TLE2: variants seen among roughly 807,000 people sequenced by gnomAD.
The protein encoded by TLE2 is transducin-like enhancer protein 2.
In TLE2, 74 loss-of-function variants were observed where a neutral mutation model predicts 97.2. That is an observed-to-expected ratio of 0.76 (90% CI 0.63 to 0.92). The LOEUF is 0.92. Ranked by LOEUF, TLE2 falls within the 40% of genes least tolerant of loss-of-function variation. TLE2 has a pLI of 0.00. For missense variants in TLE2, 1,038 were observed against 1,008.7 expected, an observed-to-expected ratio of 1.03 and a Z score of -0.39; for synonymous variants, 499 against 432.1, an observed-to-expected ratio of 1.15 and a Z score of -1.92.
intron 11 of TLE2, among the ~76,000 whole-genome samples, chr19:3,012,660 G>A (rs906501195): frequency 2.0e-5 from 3 of 152,302 alleles, no homozygotes; most frequent in African/African-American, 7.2e-5. Context: ...CAGAGAGGGA[G>A]GTGTCACCCA....
In TLE2 at chr19:3,014,581, C is replaced by A. The variant is rs759372852; in HGVS notation, c.712G>T (p.Val238Leu). The A allele has an allele frequency of 6.3e-7, 1 of 1,591,008 alleles. No homozygotes were observed. The highest frequency in any genetic ancestry group is 2.3e-5 in the East Asian group (1 of 42,872). Reference sequence around the variant, plus strand: ...ACCCCTGGACTCACCTCGTCCACCACCAGATTGTAATCACTCTTGTCTTCG... The same window carrying A: ...ACCCCTGGACTCACCTCGTCCACCAACAGATTGTAATCACTCTTGTCTTCG... ...SDEDKSDYNL[V>L]VDEDQPSEPP... Residue 238 changes from valine to leucine, a missense_variant, in exon 10 of 20, where the codon GTG becomes TTG. Coordinates refer to ENST00000262953, the MANE Select transcript of TLE2 (RefSeq NM_003260.5).
intron 3 of TLE2, 94 bp downstream of exon 3, chr19:3,028,225 G>T: frequency 1.5e-6 from 2 of 1,292,406 alleles, no homozygotes; most frequent in South Asian, 1.3e-5. Flanking sequence ...GGGAAGACGA[G>T]GTTCGGAGTG....
In TLE2 at chr19:3,008,891, G is replaced by A. The variant is rs2089531256; in HGVS notation, c.1228C>T (p.Pro410Ser). The A allele has an allele frequency of 2.5e-6, 4 of 1,593,102 alleles. No homozygotes were observed. The highest frequency in any genetic ancestry group is 3.4e-6 in the Non-Finnish European group (4 of 1,169,926). The stretch of plus-strand genomic sequence containing the variant: ...CACGGCTTTCCCCCAGGGATGCTGG[G>A]TAGGGAGGAAGAGACGGATGACCCT... ...LRGSSVSSSL[P>S]SIPGGKPAYS... is the part of the protein sequence containing the mutation. The change falls in exon 14 of 20, where the codon CCC becomes TCC. Residue 410 changes from proline (P) to serine (S), a missense_variant. Physicochemically the swap from Pro to Ser is moderately conservative, Grantham distance 74. Transcript: ENST00000262953.
In TLE2 at chr19:3,027,818, A is replaced by C. The variant is rs751461718; in HGVS notation, c.231+11T>G. 6.2e-7 allele frequency: 1 copy of C among 1,610,546 alleles called. No homozygotes were observed. Among genetic ancestry groups the C allele is most frequent in the Non-Finnish European group, 8.5e-7 (1 of 1,178,680 alleles). The stretch of plus-strand genomic sequence containing the variant: ...CTCCCTCCTGAACACGCGTAACCCC[A>C]ACCCAGTTACCTGCTTATGCATTTC... On this transcript the variant is annotated intron_variant, in intron 4 of 19. Coordinates refer to ENST00000262953, the MANE Select transcript of TLE2 (RefSeq NM_003260.5).
At chr19:3,008,720 G>T in intron 14 of TLE2, 149 bp downstream of exon 14, 1 of 493,074 alleles carries the variant, frequency 2.0e-6, no homozygotes, top group Non-Finnish European at 3.3e-6. Flanking sequence ...CAAAGTGCTG[G>T]GATTACAGGA....
At chr19:2,999,737 AAAG>A (rs373507987) in intron 19 of TLE2, among the ~76,000 whole-genome samples, 44,713 of 142,836 alleles carry the variant, frequency 0.31, 7,652 homozygotes, top group African/African-American at 0.46. Context: ...AAAAAAAAAA[AAAG>A]AAAGAAAAAC....
At chr19:3,010,953 G>A in intron 12 of TLE2, 69 bp downstream of exon 12, 4 of 1,530,378 alleles carry the variant, frequency 2.6e-6, no homozygotes, top group Non-Finnish European at 3.5e-6. Flanking sequence ...TGCCTCTCCA[G>A]CCCCTTTTCC....
chr19:3,046,321 C>T (rs1394260145), upstream of TLE2, among the ~76,000 whole-genome samples: 1 of 152,242 alleles, frequency 6.6e-6, no homozygotes, highest in Non-Finnish European at 1.5e-5. Flanking sequence ...GAAGGCTCAG[C>T]TGCAGACAAT....
intron 17 of TLE2, among the ~76,000 whole-genome samples, 161 bp downstream of exon 17, chr19:3,005,276 G>A (rs929787121): frequency 1.6e-4 from 25 of 152,086 alleles, no homozygotes; most frequent in African/African-American, 5.1e-4. Context: ...GAGAGTTACA[G>A]GGGAAGCCTG....
rs780442456 is a variant in TLE2 at position 3,019,315 on chromosome 19, T to C, written c.518A>G (p.Asp173Gly). ...CCCCTCGGCCTCCACGCCCGCACGGTCCTCCTTGACAGCCGCCGCCAGCTG... is the reference window on the plus strand; with the variant it reads ...CCCCTCGGCCTCCACGCCCGCACGGCCCTCCTTGACAGCCGCCGCCAGCTG... ...QAQLAAAVKE[D>G]RAGVEAEGSR... The change falls in exon 7 of 20, where the codon GAC becomes GGC. Residue 173 changes from aspartate to glycine, a missense_variant. Coordinates refer to ENST00000262953, the MANE Select transcript of TLE2 (RefSeq NM_003260.5). The surrounding 1 kb of genome is among the most constrained non-coding windows in gnomAD (Gnocchi z 5.1). 10 of 1,576,868 alleles carry C rather than the reference T, an allele frequency of 6.3e-6. No homozygotes were observed.
chr19:3,010,588 A>G (rs2089574332), intron 12 of TLE2, among the ~76,000 whole-genome samples: 1 of 152,020 alleles, frequency 6.6e-6, no homozygotes. Context: ...AGCTTCTTTC[A>G]GGGGCCCCAG....
rs530266463 is a variant in TLE2, at chr19:3,018,257, G to A, written c.551-398C>T. 3.7e-3 allele frequency among the ~76,000 whole-genome samples: 557 copies of A among 152,110 alleles called. 6 individuals carry two copies. The highest frequency in any genetic ancestry group is 0.013 in the African/African-American group (522 of 41,498). On this transcript the variant is annotated intron_variant, in intron 7 of 19. Coordinates refer to ENST00000262953, the MANE Select transcript of TLE2 (RefSeq NM_003260.5). Reference sequence around the variant, plus strand: ...AGTGATTGTCCCATCTCAGCCTCCCGAGTAGCTGGGACTCCAGGGGCATGC... The same window carrying A: ...AGTGATTGTCCCATCTCAGCCTCCCAAGTAGCTGGGACTCCAGGGGCATGC...
chr19:3,035,704 T>A (rs2090057077), intron 1 of TLE2, among the ~76,000 whole-genome samples: 1 of 152,096 alleles, frequency 6.6e-6, no homozygotes, highest in Admixed American at 6.5e-5. Context: ...GTCAGTGACG[T>A]CACATAGGAA....
chr19:3,016,567 G>C (rs1263426340), intron 8 of TLE2, among the ~76,000 whole-genome samples: 12 of 144,632 alleles, frequency 8.3e-5, no homozygotes, highest in Admixed American at 7.6e-4. Context: ...TCCAGCCTGG[G>C]CGACAGGGCA....
rs778633747 is a variant in TLE2 at position 3,015,695 on chromosome 19, G to A, written c.636C>T (p.Gly212=). The A allele has an allele frequency of 5.0e-6, 8 of 1,611,230 alleles. No homozygotes were observed. In the South Asian group the frequency reaches 5.5e-5, roughly 11 times the overall value. Residue 212 remains glycine (G), a synonymous_variant, in exon 9 of 20, where the codon GGC becomes GGT. Transcript: ENST00000262953. The stretch of plus-strand genomic sequence containing the variant: ...CCTTCTCATCTGCTCTCTGCTTCCC[G>A]CCACCACCAGGGCCACTCGGTCGCT... ...EEERPSGPGG[G]GKQRADEKEP... is the part of the protein sequence containing the mutation.
intron 1 of TLE2, among the ~76,000 whole-genome samples, chr19:3,035,934 C>T (rs977796742): frequency 6.6e-6 from 1 of 152,300 alleles, no homozygotes; most frequent in African/African-American, 2.4e-5. Context: ...AAGCGAGTCA[C>T]CCCCAAGCCT....
intron 4 of TLE2, chr19:3,025,508 G>A (rs1238485940): frequency 2.8e-5 from 28 of 1,000,548 alleles, no homozygotes; most frequent in Non-Finnish European, 3.3e-5. Context: ...GTCTGTCCCA[G>A]GCAAGGCCCC....
At chr19:3,014,439 C>T in intron 10 of TLE2, 131 bp downstream of exon 10, 1 of 855,714 alleles carries the variant, frequency 1.2e-6, no homozygotes, top group Non-Finnish European at 1.6e-6. Context: ...CTGACGCTTC[C>T]TGACCCCATC....
rs2089751353 is a variant in TLE2, at chr19:3,017,990, A to AC, written c.551-132dup. 1.1e-5 allele frequency: 8 copies of AC among 715,196 alleles called. No individual in the cohort carries two copies. In the South Asian group the frequency reaches 1.6e-4, roughly 14 times the overall value. 44.3% of individuals were successfully genotyped at this position (715,196 alleles called of 1,614,324 possible). The stretch of plus-strand genomic sequence containing the variant: ...CCACCACCCCACTCAGAGTCTCTCT[A>AC]CCCTTCCAACACCCTTGCAAGTGGT... On this transcript the variant is annotated intron_variant, in intron 7 of 19. Coordinates refer to ENST00000262953, the MANE Select transcript of TLE2 (RefSeq NM_003260.5).
Sources: gnomAD v4.1 joint callset for allele counts (sites outside exome capture counted in the v4.1 genomes callset) on GRCh38, gnomAD v4.1.1 for gene constraint, Gnocchi (gnomAD v3.1) non-coding constraint, MANE v1.5 for transcripts, NCBI Gene and HGNC (gene_info 2026-07-23, HGNC 2026-07-21) for gene names.